The following SERPINE3 variants were observed in gnomAD, a reference collection of about 807,000 sequenced individuals.
SERPINE3 encodes serpin family E member 3, also known as serpin E3.
SERPINE3 carries 43 observed loss-of-function variants against 41.7 expected under a neutral mutation model. The observed-to-expected ratio is 1.03, with a 90% CI of 0.81 to 1.33. The LOEUF (loss-of-function observed/expected upper bound fraction) is 1.33. Among genes scored for constraint, SERPINE3 ranks in the 40% most tolerant of loss-of-function variants. The probability of loss-of-function intolerance (pLI) is 0.00; values close to 1 mark genes in which losing one functional copy is unlikely to be tolerated. For synonymous variants in SERPINE3, 200 were observed against 192.2 expected, an observed-to-expected ratio of 1.04 and a Z score of -0.34; for missense variants, 440 against 491.7, an observed-to-expected ratio of 0.89 and a Z score of 0.99.
intron 6 of SERPINE3, among the ~76,000 whole-genome samples, chr13:51,351,517 C>G (rs1247700008): frequency 6.6e-6 from 1 of 151,948 alleles, no homozygotes; most frequent in Non-Finnish European, 1.5e-5. Flanking sequence ...TGTAATAGTT[C>G]TTTATTCTGG....
chr13:51,352,964 G>A (rs542427233), intron 6 of SERPINE3, among the ~76,000 whole-genome samples: 5 of 152,038 alleles, frequency 3.3e-5, no homozygotes, highest in Admixed American at 1.3e-4. Context: ...ACTTTGTCAT[G>A]GTGAGATTTA....
chr13:51,355,232 A>C (rs979814080), intron 7 of SERPINE3, 89 bp downstream of exon 7: 13 of 515,044 alleles, frequency 2.5e-5, no homozygotes, highest in African/African-American at 5.3e-5. Context: ...TTTCAGAGTC[A>C]ACATTATGTA....
At chr13:51,358,728 G>T (rs1380592799) in intron 7 of SERPINE3, among the ~76,000 whole-genome samples, 1 of 152,058 alleles carries the variant, frequency 6.6e-6, no homozygotes, top group Non-Finnish European at 1.5e-5. Context: ...GTCTAAAAAG[G>T]AAGGTAAAAA....
chr13:51,345,995 GGTGGCTTCACCCCTCATAA>G (rs1435335073), intron 4 of SERPINE3, among the ~76,000 whole-genome samples: 3 of 152,158 alleles, frequency 2.0e-5, no homozygotes, highest in African/African-American at 7.2e-5. Flanking sequence ...CTGGGTGGAT[GGTGGCTTCACCCCTCATAA>G]GTATGTGACC....
intron 6 of SERPINE3, among the ~76,000 whole-genome samples, chr13:51,353,195 CTGA>C (rs955005803): frequency 6.9e-4 from 105 of 152,196 alleles, no homozygotes; most frequent in Admixed American, 2.0e-3. Flanking sequence ...CTCACTTTTA[CTGA>C]TGTTTTTAGT....
Position 51,364,390 on chromosome 13 carries a change from G to T in SERPINE3, c.*108G>T. ...GTCTGATAAAGTGTAAAAAGCTAAG[G>T]GTATGTGATTTTCAATATTATAAAC... On this transcript the variant is annotated 3_prime_UTR_variant, in exon 10 of 10. Coordinates refer to ENST00000681248, the MANE Select transcript of SERPINE3 (RefSeq NM_001386375.1). 6.8e-6 allele frequency: 4 copies of T among 585,412 alleles called. No homozygotes were observed. The highest frequency in any genetic ancestry group is 3.1e-5 in the East Asian group (1 of 31,936). 36.3% of individuals were successfully genotyped at this position (585,412 alleles called of 1,614,324 possible). A position where few individuals can be genotyped will look rare whatever the true frequency, so the allele number is the denominator to read the frequency against.
At chr13:51,350,131 C>T (rs1012037741) in intron 6 of SERPINE3, among the ~76,000 whole-genome samples, 5 of 152,128 alleles carry the variant, frequency 3.3e-5, no homozygotes, top group African/African-American at 9.6e-5. Context: ...TTTCGTTTAA[C>T]AAGAGCAAAA....
At chr13:51,352,813 G>T (rs907240075) in intron 6 of SERPINE3, among the ~76,000 whole-genome samples, 1 of 152,108 alleles carries the variant, frequency 6.6e-6, no homozygotes, top group East Asian at 1.9e-4. Flanking sequence ...AGTCATGAAA[G>T]GGTGTTGGAC....
intron 8 of SERPINE3, 121 bp downstream of exon 8, chr13:51,361,485 A>T: frequency 1.4e-6 from 1 of 698,712 alleles, no homozygotes; most frequent in Non-Finnish European, 2.4e-6. Flanking sequence ...GTGGTGTAGT[A>T]TTTTTTAAAA....
chr13:51,341,569 G>T (rs1955292393), intron 3 of SERPINE3, among the ~76,000 whole-genome samples: 1 of 152,202 alleles, frequency 6.6e-6, no homozygotes, highest in African/African-American at 2.4e-5. Context: ...TCACTGGACA[G>T]GTCTGTGACA....
chr13:51,355,703 T>C (rs1002484212), intron 7 of SERPINE3, among the ~76,000 whole-genome samples: 2 of 152,208 alleles, frequency 1.3e-5, no homozygotes, highest in African/African-American at 4.8e-5. Flanking sequence ...GAATTGCTAC[T>C]ACCAATCAAT....
At position 51,348,278 on chromosome 13, in the gene SERPINE3, G is replaced by GT. The variant is rs1271838068; in HGVS notation, c.767dup (p.Ser257GlufsTer9). 1 of 1,610,930 alleles carries GT rather than the reference G, an allele frequency of 6.2e-7. No homozygotes were observed. Among genetic ancestry groups the GT allele is most frequent in the Admixed American group, 1.7e-5 (1 of 59,716 alleles). ...GGAGCTTCCTTACCTGGGAAGTGCA[G>GT]TGAGTCTGTTCCTGGTGCTGCCCCG... On this transcript the variant is annotated frameshift_variant, in exon 6 of 10. Coordinates refer to ENST00000681248, the MANE Select transcript of SERPINE3 (RefSeq NM_001386375.1). LOFTEE classifies it high-confidence loss of function.
At position 51,347,057 on chromosome 13, in the gene SERPINE3, C is replaced by T; in HGVS notation, c.523C>T (p.Pro175Ser). The T allele has an allele frequency of 6.3e-7, 1 of 1,594,770 alleles. No individual in the cohort carries two copies. The highest frequency in any genetic ancestry group is 8.5e-7 in the Non-Finnish European group (1 of 1,170,536). Residue 175 changes from proline to serine, a missense_variant, in exon 5 of 10, where the codon CCG becomes TCG. Physicochemically the swap from Pro to Ser is moderately conservative, Grantham distance 74 (BLOSUM62 -1). Coordinates refer to ENST00000681248, the MANE Select transcript of SERPINE3 (RefSeq NM_001386375.1). ...CCCCAGTGAGGGCCCTGGTGGCTGG[C>T]CGTGGGAGCAAGTCAGTGCAGCATT... is the stretch of plus-strand genomic sequence containing the variant. The part of the protein sequence containing the change: ...GGPSEGPGGW[P>S]WEQVSAAFAQ...
intron 7 of SERPINE3, among the ~76,000 whole-genome samples, chr13:51,359,578 C>T (rs1463618248): frequency 6.6e-6 from 1 of 152,086 alleles, no homozygotes; most frequent in Non-Finnish European, 1.5e-5. Flanking sequence ...GACTCATCCA[C>T]ATCAACTGGT....
chr13:51,345,868 A>G (rs1955341431), intron 4 of SERPINE3, among the ~76,000 whole-genome samples: 1 of 152,216 alleles, frequency 6.6e-6, no homozygotes, highest in South Asian at 2.1e-4. Flanking sequence ...AAAAAGGGGC[A>G]GTTGGCTCAG....
intron 4 of SERPINE3, among the ~76,000 whole-genome samples, chr13:51,344,777 G>A (rs565454545): frequency 6.6e-6 from 1 of 152,030 alleles, no homozygotes; most frequent in Non-Finnish European, 1.5e-5. Context: ...CTCCCACCTC[G>A]GAGGACCCCA....
chr13:51,348,766 T>C, intron 6 of SERPINE3: 1 of 242,346 alleles, frequency 4.1e-6, no homozygotes, highest in Non-Finnish European at 8.0e-6. Flanking sequence ...TGTAGGAACG[T>C]TGCCCAAATC....
chr13:51,356,566 G>A (rs542174498), intron 7 of SERPINE3, among the ~76,000 whole-genome samples: 1 of 152,006 alleles, frequency 6.6e-6, no homozygotes, highest in African/African-American at 2.4e-5. Flanking sequence ...GAATCACTAG[G>A]GCTTACTGAC....
intron 6 of SERPINE3, among the ~76,000 whole-genome samples, chr13:51,352,741 T>C (rs1203119709): frequency 6.6e-6 from 1 of 152,170 alleles, no homozygotes; most frequent in Non-Finnish European, 1.5e-5. Flanking sequence ...CTGCCCTTCA[T>C]CAATTTAAGG....
Sources: gnomAD v4.1 joint callset for allele counts (sites outside exome capture counted in the v4.1 genomes callset) on GRCh38, gnomAD v4.1.1 for gene constraint, MANE v1.5 for transcripts, NCBI Gene and HGNC (gene_info 2026-07-23, HGNC 2026-07-21) for gene names.